The following CACNA1H variants were observed in gnomAD, a reference collection of about 807,000 sequenced individuals.
The protein encoded by CACNA1H is voltage-dependent T-type calcium channel subunit alpha-1H.
Under a neutral mutation model 192.5 loss-of-function variants are expected in CACNA1H, and 149 were observed. That is an observed-to-expected ratio of 0.77 (90% CI 0.68 to 0.89). The LOEUF (loss-of-function observed/expected upper bound fraction) is 0.89. CACNA1H is among the 40% of genes least tolerant of loss of function. CACNA1H has a pLI of 0.00. For missense variants in CACNA1H, 4,257 were observed against 3,423.5 expected, an observed-to-expected ratio of 1.24 and a Z score of -6.08; for synonymous variants, 2,202 against 1,475.2, an observed-to-expected ratio of 1.49 and a Z score of -11.29.
At position 1,207,129 on chromosome 16, in the gene CACNA1H, G is replaced by C; in HGVS notation, c.2907+11G>C. On this transcript the variant is annotated intron_variant, in intron 13 of 34. Coordinates refer to ENST00000348261, the MANE Select transcript of CACNA1H (RefSeq NM_021098.3). The stretch of plus-strand genomic sequence containing the variant: ...GTCACCGTGTTCCAGGTAGTGCCCG[G>C]GGTCCCCGCAGCAGTGTTGGGTGCT... 6.4e-7 allele frequency: 1 copy of C among 1,574,368 alleles called. No homozygotes were observed. Among genetic ancestry groups the C allele is most frequent in the Non-Finnish European group, 8.6e-7 (1 of 1,159,230 alleles).
chr16:1,213,147 C>G (rs1409908885), intron 26 of CACNA1H, among the ~76,000 whole-genome samples: 3 of 152,244 alleles, frequency 2.0e-5, no homozygotes, highest in Non-Finnish European at 4.4e-5. Context: ...TGGAGTCCGG[C>G]AGACCCTAGA....
intron 15 of CACNA1H, 59 bp from the exon 16 acceptor site, chr16:1,207,954 G>C: frequency 6.5e-7 from 1 of 1,549,658 alleles, no homozygotes; most frequent in South Asian, 1.2e-5. Flanking sequence ...TAGGTTGGGG[G>C]ATTCCTGGTC....
At chr16:1,178,957 C>T (rs1383110750) in intron 2 of CACNA1H, among the ~76,000 whole-genome samples, 4 of 152,198 alleles carry the variant, frequency 2.6e-5, no homozygotes, top group Non-Finnish European at 2.9e-5. Context: ...AGGCTGGCCC[C>T]GTGCCCCTCC....
intron 2 of CACNA1H, among the ~76,000 whole-genome samples, chr16:1,176,976 G>T (rs952754847): frequency 6.6e-6 from 1 of 152,116 alleles, no homozygotes; most frequent in Non-Finnish European, 1.5e-5. Context: ...AGAGTCCCCA[G>T]GCTGGGAGGA....
chr16:1,208,774 C>T (rs1406266556), intron 16 of CACNA1H, among the ~76,000 whole-genome samples: 1 of 152,172 alleles, frequency 6.6e-6, no homozygotes, highest in African/African-American at 2.4e-5. Flanking sequence ...CACACTTTGT[C>T]TGGTCCTGGG....
chr16:1,154,067 G>C lies in CACNA1H; in HGVS notation c.299+31G>C. 4.5e-6 allele frequency: 4 copies of C among 890,104 alleles called. 1 individual carries two copies. Among genetic ancestry groups the C allele is most frequent in the South Asian group, 5.7e-5 (2 of 34,910 alleles). 55.1% of individuals were successfully genotyped at this position (890,104 alleles called of 1,614,324 possible). On this transcript the variant is annotated intron_variant, in intron 2 of 34. Transcript: ENST00000348261. ...CTTCCCGGCCGGCGGGGGGCGGGGG[G>C]CGGGGGGCGTGGGGAGGGTGGGGGC...
chr16:1,195,211 G>T (rs529080430), intron 3 of CACNA1H, 128 bp downstream of exon 3: 2 of 898,660 alleles, frequency 2.2e-6, no homozygotes, highest in African/African-American at 3.4e-5. Flanking sequence ...TCGGGGATCA[G>T]GGCGAGGTTC....
chr16:1,218,424 G>T lies in CACNA1H; in HGVS notation c.5660G>T (p.Gly1887Val), dbSNP rs1353823679. The T allele has an allele frequency of 6.4e-7, 1 of 1,553,880 alleles. No homozygotes were observed. Among genetic ancestry groups the T allele is most frequent in the East Asian group, 2.4e-5 (1 of 41,104 alleles). Reference protein sequence around the residue: ...DAEIELEMAQGPGSARRVDAD... With the variant: ...DAEIELEMAQVPGSARRVDAD... ...GAGATCGAGCTGGAGATGGCGCAGG[G>T]CCCCGGGAGTGCACGCCGGGTGGAC... Residue 1887 changes from glycine (G) to valine (V), a missense_variant, in exon 33 of 35, where the codon GGC becomes GTC. By Grantham distance (109) the Gly-to-Val change is moderately radical. Transcript: ENST00000348261.
At position 1,204,473 on chromosome 16, in the gene CACNA1H, G is replaced by A; in HGVS notation, c.2451+15G>A. The A allele has an allele frequency of 6.6e-7, 1 of 1,515,836 alleles. No individual in the cohort carries two copies. Among genetic ancestry groups the A allele is most frequent in the Non-Finnish European group, 8.8e-7 (1 of 1,132,196 alleles). The allele number at this position is 1,515,836 out of a possible 1,614,324, so 93.9% of individuals were successfully genotyped here. On this transcript the variant is annotated intron_variant, in intron 10 of 34. Coordinates refer to ENST00000348261, the MANE Select transcript of CACNA1H (RefSeq NM_021098.3). ...ACCATGAGCAGGTGCGGGCTGGCCTGGCCACGGGGTGGGCTCCCTGTCAGG... is the reference window on the plus strand; with the variant it reads ...ACCATGAGCAGGTGCGGGCTGGCCTAGCCACGGGGTGGGCTCCCTGTCAGG...
At chr16:1,172,188 C>A (rs1051782743) in intron 2 of CACNA1H, among the ~76,000 whole-genome samples, 6 of 152,196 alleles carry the variant, frequency 3.9e-5, no homozygotes, top group African/African-American at 1.4e-4. Flanking sequence ...CTGCGTGCCT[C>A]GATCCGGCTG....
intron 2 of CACNA1H, among the ~76,000 whole-genome samples, chr16:1,190,133 C>T (rs1966468572): frequency 6.6e-6 from 1 of 152,228 alleles, no homozygotes; most frequent in African/African-American, 2.4e-5. Context: ...CACCTCACTG[C>T]GCCACTGCCC....
chr16:1,204,820 G>A (rs1596425197), intron 10 of CACNA1H, among the ~76,000 whole-genome samples: 3 of 132,990 alleles, frequency 2.3e-5, no homozygotes, highest in Admixed American at 1.5e-4. Context: ...GGTGGGAGCC[G>A]CGGGTGGGGC....
intron 6 of CACNA1H, 67 bp from the exon 7 acceptor site, chr16:1,200,189 G>A (rs1227666226): frequency 3.8e-6 from 5 of 1,307,594 alleles, no homozygotes; most frequent in Admixed American, 2.4e-5. Context: ...GATCACAATC[G>A]TGCCCCCGAC....
intron 2 of CACNA1H, among the ~76,000 whole-genome samples, chr16:1,171,986 T>C (rs908474203): frequency 2.0e-5 from 3 of 152,208 alleles, no homozygotes; most frequent in African/African-American, 7.2e-5. Flanking sequence ...GGCATGGGGT[T>C]CGCGTGGGCC....
intron 9 of CACNA1H, among the ~76,000 whole-genome samples, chr16:1,203,103 G>A (rs1406733894): frequency 6.6e-6 from 1 of 151,150 alleles, no homozygotes; most frequent in Non-Finnish European, 1.5e-5. Flanking sequence ...AGGTGCGAGC[G>A]AGGGTGCCGA....
chr16:1,210,615 C>G lies in CACNA1H; in HGVS notation c.4002C>G (p.Ile1334Met), dbSNP rs1969323771. The stretch of plus-strand genomic sequence containing the variant: ...TCTTCCTCAGCGTCTCCAATTACAT[C>G]TTCACGGCCATCTTCGTGGCGGAGA... ...ERVFLSVSNY[I>M]FTAIFVAEMM... The change falls in exon 20 of 35, where the codon ATC (isoleucine) becomes ATG (methionine). Residue 1334 changes from isoleucine to methionine, a missense_variant. By Grantham distance (10) the Ile-to-Met change is conservative (BLOSUM62 1). Transcript: ENST00000348261. 6.2e-7 allele frequency: 1 copy of G among 1,607,442 alleles called. No individual in the cohort carries two copies. Among genetic ancestry groups the G allele is most frequent in the South Asian group, 1.1e-5 (1 of 91,072 alleles).
At position 1,186,057 on chromosome 16, in the gene CACNA1H, GGC is replaced by G. The variant is rs1567476636; in HGVS notation, c.300-8913_300-8912del. 2.1e-4 allele frequency among the ~76,000 whole-genome samples: 20 copies of G among 93,190 alleles called. 2 individuals are homozygous for G. The highest frequency in any genetic ancestry group is 6.8e-4 in the African/African-American group (12 of 17,692). The allele number at this position is 93,190 out of a possible 152,430, so 61.1% of individuals were successfully genotyped here. On this transcript the variant is annotated intron_variant, in intron 2 of 34. Transcript: ENST00000348261. ...GTGTGTACGGGGCGGGTGAGTAGAC[GGC>G]GTAGGGGCCGGAGGCGGGGTGTGTA...
chr16:1,153,712 C>G lies in CACNA1H; in HGVS notation c.-18-8C>G, dbSNP rs1363630441. 44 of 1,198,388 alleles carry G rather than the reference C, an allele frequency of 3.7e-5. No individual in the cohort carries two copies. The highest frequency in any genetic ancestry group is 4.5e-5 in the Non-Finnish European group (44 of 967,196). The allele number at this position is 1,198,388 out of a possible 1,614,324, so 74.2% of individuals were successfully genotyped here. A position where few individuals can be genotyped will look rare whatever the true frequency, so the allele number is the denominator to read the frequency against. ...CACCGGCCCCGGGTCACCCCCTGTC[C>G]TCTGCAGGTGCTGCCGGCCGCCACC... On this transcript the variant is annotated splice_polypyrimidine_tract_variant and splice_region_variant and intron_variant, in intron 1 of 34. Transcript: ENST00000348261.
chr16:1,201,264 G>C (rs1967856960), intron 8 of CACNA1H, among the ~76,000 whole-genome samples: 1 of 152,154 alleles, frequency 6.6e-6, no homozygotes. Flanking sequence ...AGCTTGTTCT[G>C]AGAGAGCAAG....
Sources: allele counts gnomAD v4.1 joint callset (sites outside exome capture counted in the v4.1 genomes callset), GRCh38; gene constraint gnomAD v4.1.1; transcripts MANE v1.5; gene names NCBI Gene and HGNC (gene_info 2026-07-23, HGNC 2026-07-21).